Variants in SGCZ observed in about 807,000 individuals in gnomAD.
SGCZ encodes zeta-sarcoglycan.
SGCZ carries 40 observed loss-of-function variants against 41.3 expected under a neutral mutation model. The observed-to-expected ratio is 0.97, with a 90% CI of 0.75 to 1.26. The LOEUF is 1.26. Ranked by LOEUF, SGCZ falls within the 50% of genes most tolerant of loss-of-function variation. The pLI is 0.00. For synonymous variants in SGCZ, 206 were observed against 137.5 expected (o/e 1.50, Z -3.49); for missense variants, 552 against 369.8 (o/e 1.49, Z -4.04).
intron 1 of SGCZ, among the ~76,000 whole-genome samples, chr8:14,964,847 G>T (rs1801081094): frequency 1.3e-5 from 2 of 152,106 alleles, no homozygotes. Context: ...ACCTGCAAAA[G>T]GGAGGTAGGA....
At position 14,696,304 on chromosome 8, in the gene SGCZ, T is replaced by C. The variant is rs188515391; in HGVS notation, c.40-141378A>G. Reference sequence around the variant, plus strand: ...TTTAGGGACTAACACATTGAAGCGGTATCAGGATAAAAGATGTTTACACTG... The same window carrying C: ...TTTAGGGACTAACACATTGAAGCGGCATCAGGATAAAAGATGTTTACACTG... On this transcript the variant is annotated intron_variant, in intron 1 of 7. Transcript: ENST00000382080. 1.5e-4 allele frequency among the ~76,000 whole-genome samples: 23 copies of C among 152,182 alleles called. 1 individual carries two copies. The highest frequency in any genetic ancestry group is 3.4e-3 in the Middle Eastern group (1 of 294).
chr8:14,644,385 T>G (rs1374797484), intron 1 of SGCZ, among the ~76,000 whole-genome samples: 12 of 151,830 alleles, frequency 7.9e-5, no homozygotes, highest in Admixed American at 7.9e-4. Context: ...TCCAGCAAGC[T>G]GCCCTGCAGA....
chr8:14,368,405 G>A (rs1247877892), intron 2 of SGCZ, among the ~76,000 whole-genome samples: 1 of 152,036 alleles, frequency 6.6e-6, no homozygotes, highest in Non-Finnish European at 1.5e-5. Context: ...CCGTTAGATA[G>A]ACTAAGGGTT....
chr8:14,715,729 A>C (rs187242963), intron 1 of SGCZ, among the ~76,000 whole-genome samples: 28 of 152,308 alleles, frequency 1.8e-4, no homozygotes, highest in Admixed American at 1.1e-3. Context: ...CTGTTTTGTC[A>C]GTACCAATAG....
At chr8:14,227,883 A>T (rs1306684355) in intron 4 of SGCZ, among the ~76,000 whole-genome samples, 1 of 152,102 alleles carries the variant, frequency 6.6e-6, no homozygotes, top group African/African-American at 2.4e-5. Context: ...AGTCAGGACA[A>T]AAACGTAACT....
chr8:15,033,129 C>A (rs572006050), intron 1 of SGCZ, among the ~76,000 whole-genome samples: 16 of 152,040 alleles, frequency 1.1e-4, no homozygotes, highest in Admixed American at 5.2e-4. Flanking sequence ...TTTAAGAGTC[C>A]CAGGGTCCAG....
chr8:15,123,193 T>G (rs1476880916), intron 1 of SGCZ, among the ~76,000 whole-genome samples: 3 of 152,192 alleles, frequency 2.0e-5, no homozygotes, highest in African/African-American at 7.2e-5. Flanking sequence ...TAGCTTTATG[T>G]AGCATCCTAA....
intron 1 of SGCZ, among the ~76,000 whole-genome samples, chr8:14,608,130 T>A (rs1220835354): frequency 6.6e-6 from 1 of 152,076 alleles, no homozygotes; most frequent in African/African-American, 2.4e-5. Context: ...AAAAGATAAT[T>A]ACAATAAAAA....
intron 1 of SGCZ, among the ~76,000 whole-genome samples, chr8:14,815,514 C>T (rs533718784): frequency 2.0e-5 from 3 of 151,936 alleles, no homozygotes; most frequent in Non-Finnish European, 4.4e-5. Flanking sequence ...AGTATATCTT[C>T]CAGGAATAAA....
intron 1 of SGCZ, among the ~76,000 whole-genome samples, chr8:14,637,913 C>G (rs1806887169): frequency 6.6e-6 from 1 of 151,858 alleles, no homozygotes. Context: ...TTCACAGGGG[C>G]TAATTTACAT....
chr8:14,397,571 C>T (rs2117235664), intron 2 of SGCZ, among the ~76,000 whole-genome samples: 1 of 152,222 alleles, frequency 6.6e-6, no homozygotes, highest in South Asian at 2.1e-4. Context: ...GCATATAATA[C>T]ATGGTAAAGC....
chr8:14,525,143 CATAGATAGATAGATAG>C (rs35838178), intron 2 of SGCZ, among the ~76,000 whole-genome samples: 6,031 of 142,692 alleles, frequency 0.042, 140 homozygotes, highest in Non-Finnish European at 0.05. Flanking sequence ...TAGATAGACA[CATAGATAGATAGATAG>C]ATAGATAGAT....
At chr8:15,117,264 C>A (rs913077172) in intron 1 of SGCZ, among the ~76,000 whole-genome samples, 5 of 151,782 alleles carry the variant, frequency 3.3e-5, no homozygotes, top group African/African-American at 9.7e-5. Context: ...GGAGCTGAGG[C>A]AGGAGAATGG....
At chr8:14,378,325 C>T (rs1317467796) in intron 2 of SGCZ, among the ~76,000 whole-genome samples, 4 of 152,238 alleles carry the variant, frequency 2.6e-5, no homozygotes, top group East Asian at 1.9e-4. Context: ...GCATAAATGT[C>T]TTCTTAGAAA....
At chr8:14,406,517 C>T (rs1252499657) in intron 2 of SGCZ, among the ~76,000 whole-genome samples, 1 of 152,110 alleles carries the variant, frequency 6.6e-6, no homozygotes, top group African/African-American at 2.4e-5. Context: ...TGAAAACAAA[C>T]ATTGTTGAAT....
At chr8:14,295,614 G>A (rs990146411) in intron 3 of SGCZ, among the ~76,000 whole-genome samples, 5 of 151,798 alleles carry the variant, frequency 3.3e-5, no homozygotes, top group Non-Finnish European at 1.5e-5. Context: ...TATAACTGAG[G>A]GTAATATACA....
intron 1 of SGCZ, among the ~76,000 whole-genome samples, chr8:14,688,882 A>G (rs146450052): frequency 0.028 from 4,273 of 152,216 alleles, 223 homozygotes; most frequent in African/African-American, 0.097. Flanking sequence ...TCAGCCCAAA[A>G]TGTCCTTAAG....
intron 4 of SGCZ, among the ~76,000 whole-genome samples, chr8:14,205,783 G>C (rs1409700557): frequency 6.6e-6 from 1 of 151,982 alleles, no homozygotes; most frequent in African/African-American, 2.4e-5. Context: ...TTTAATGTTA[G>C]TTTCTTTTTA....
intron 1 of SGCZ, among the ~76,000 whole-genome samples, chr8:15,061,774 G>C (rs1197088340): frequency 6.6e-6 from 1 of 152,052 alleles, no homozygotes; most frequent in Non-Finnish European, 1.5e-5. Flanking sequence ...AAGTGAGACA[G>C]ATAAATTTCT....
Sources: gnomAD v4.1 joint callset for allele counts (sites outside exome capture counted in the v4.1 genomes callset) on GRCh38, gnomAD v4.1.1 for gene constraint, MANE v1.5 for transcripts, NCBI Gene and HGNC (gene_info 2026-07-23, HGNC 2026-07-21) for gene names.